DCDC2C: variants seen among roughly 807,000 people sequenced by gnomAD.
The protein encoded by DCDC2C is doublecortin domain-containing protein 2C.
A neutral mutation model predicts 45.0 loss-of-function variants in DCDC2C; 44 were observed. The observed-to-expected ratio is 0.98, with a 90% CI of 0.77 to 1.26. The LOEUF is 1.26. DCDC2C is among the 50% of genes most tolerant of loss of function. DCDC2C has a pLI of 0.00. For synonymous variants in DCDC2C, 187 were observed against 178.8 expected (o/e 1.05, Z -0.37); for missense variants, 447 against 468.9 (o/e 0.95, Z 0.43).
At chr2:3,768,723 C>A (rs975483493) in intron 7 of DCDC2C, among the ~76,000 whole-genome samples, 1 of 152,174 alleles carries the variant, frequency 6.6e-6, no homozygotes, top group South Asian at 2.1e-4. Flanking sequence ...ACAGGCACCT[C>A]TCACCACACC....
chr2:3,766,466 T>C lies in DCDC2C; in HGVS notation c.727-1288T>C, dbSNP rs529950567. Among the ~76,000 whole-genome samples the C allele has an allele frequency of 1.4e-3, 218 of 152,332 alleles. 2 individuals are homozygous for C. Among genetic ancestry groups the C allele is most frequent in the Non-Finnish European group, 7.4e-4 (50 of 68,018 alleles). ...AAAATACAAGCACCATATACCATTT[T>C]CTGTTTCCATGACCAGTTCTGCTAA... On this transcript the variant is annotated intron_variant, in intron 6 of 10. Coordinates refer to ENST00000399143, the MANE Select transcript of DCDC2C (RefSeq NM_001287444.2).
intron 4 of DCDC2C, among the ~76,000 whole-genome samples, chr2:3,746,100 C>T (rs893945573): frequency 2.6e-5 from 4 of 152,088 alleles, no homozygotes; most frequent in Non-Finnish European, 5.9e-5. Flanking sequence ...GGCTGAGTGC[C>T]AGGGAGGCAG....
intron 4 of DCDC2C, among the ~76,000 whole-genome samples, chr2:3,746,656 TCAAA>T (rs1369334207): frequency 6.6e-6 from 1 of 152,140 alleles, no homozygotes; most frequent in Non-Finnish European, 1.5e-5. Flanking sequence ...TGATAAACAA[TCAAA>T]CAAAACATCT....
chr2:3,761,478 A>C lies in DCDC2C; in HGVS notation c.727-6276A>C, dbSNP rs372686405. Among the ~76,000 whole-genome samples the C allele has an allele frequency of 6.6e-6, 1 of 152,166 alleles. No individual in the cohort carries two copies. The highest frequency in any genetic ancestry group is 1.5e-5 in the Non-Finnish European group (1 of 68,042). ...TAACCTGTTCTGAACAGTAAATTTC[A>C]CTGTGAAATGAGTGCTTTGGAATTG... is the stretch of plus-strand genomic sequence containing the variant. On this transcript the variant is annotated intron_variant, in intron 6 of 10. Transcript: ENST00000399143. This position sits in a 1 kb window ranked among gnomAD's most constrained non-coding sequence, Gnocchi z 4.3.
chr2:3,762,924 G>A (rs191758107), intron 6 of DCDC2C, among the ~76,000 whole-genome samples: 174 of 152,246 alleles, frequency 1.1e-3, no homozygotes, highest in Middle Eastern at 3.4e-3. Flanking sequence ...GCGTGTGTGA[G>A]GCTGCCTGGG....
intron 6 of DCDC2C, among the ~76,000 whole-genome samples, chr2:3,767,272 A>G (rs1670039098): frequency 6.6e-6 from 1 of 152,214 alleles, no homozygotes; most frequent in Non-Finnish European, 1.5e-5. Context: ...GTTCTCCCTT[A>G]TTGCAACCCC....
At chr2:3,812,489 G>A (rs976259408) in intron 10 of DCDC2C, among the ~76,000 whole-genome samples, 2 of 151,806 alleles carry the variant, frequency 1.3e-5, no homozygotes, top group Non-Finnish European at 2.9e-5. Context: ...CTTTATTAGT[G>A]TAGATAATAT....
Position 3,704,030 on chromosome 2 carries a change from G to A in DCDC2C, c.279G>A (p.Lys93=). Residue 93 remains lysine, a synonymous_variant, in exon 1 of 11, where the codon AAG becomes AAA. Transcript: ENST00000399143. ...KYVAAGRERF[K]ELDYIHIVPR... ...TGGCGGCGGGCCGCGAGCGCTTCAA[G>A]GAGCTCGAGTAAGTGCGCCCGCGCC... is the stretch of plus-strand genomic sequence containing the variant. 7.9e-7 allele frequency: 1 copy of A among 1,268,442 alleles called. No homozygotes were observed. The highest frequency in any genetic ancestry group is 9.9e-7 in the Non-Finnish European group (1 of 1,006,438). The allele number at this position is 1,268,442 out of a possible 1,614,324, so 78.6% of individuals were successfully genotyped here.
At position 3,703,968 on chromosome 2, in the gene DCDC2C, C is replaced by A; in HGVS notation, c.217C>A (p.Leu73Met). 7.6e-7 allele frequency: 1 copy of A among 1,310,596 alleles called. No homozygotes were observed. The highest frequency in any genetic ancestry group is 9.7e-7 in the Non-Finnish European group (1 of 1,029,794). The allele number at this position is 1,310,596 out of a possible 1,614,324, so 81.2% of individuals were successfully genotyped here. A position where few individuals can be genotyped will look rare whatever the true frequency, so the allele number is the denominator to read the frequency against. Residue 73 changes from leucine (L) to methionine (M), a missense_variant, in exon 1 of 11, where the codon CTG becomes ATG. Leu to Met is a conservative substitution (Grantham distance 15). Transcript: ENST00000399143. This position sits in a 1 kb window ranked among gnomAD's most constrained non-coding sequence, Gnocchi z 4.4. ...CACGCCCACGCGTGGGCACCGGGTG[C>A]TGGGGCTGGACGCGCTGCAGGCGGG... is the stretch of plus-strand genomic sequence containing the variant. ...LFTPTRGHRV[L>M]GLDALQAGGK...
intron 6 of DCDC2C, among the ~76,000 whole-genome samples, chr2:3,763,295 G>A (rs531986682): frequency 6.6e-6 from 1 of 152,086 alleles, no homozygotes; most frequent in Non-Finnish European, 1.5e-5. Flanking sequence ...CCATTCTATC[G>A]CACCTCAGAG....
At chr2:3,787,282 A>C (rs936418732) in intron 10 of DCDC2C, among the ~76,000 whole-genome samples, 4 of 152,256 alleles carry the variant, frequency 2.6e-5, no homozygotes, top group African/African-American at 9.6e-5. Flanking sequence ...ATTGGGCCGC[A>C]TGCAAACTGT....
chr2:3,803,591 T>G (rs1223278064), intron 10 of DCDC2C, among the ~76,000 whole-genome samples: 3 of 152,258 alleles, frequency 2.0e-5, no homozygotes, highest in African/African-American at 7.2e-5. Flanking sequence ...CTTAGGTCTT[T>G]ATGTGCCTCT....
chr2:3,708,019 TA>T (rs1338613850), intron 1 of DCDC2C, among the ~76,000 whole-genome samples: 2 of 152,102 alleles, frequency 1.3e-5, no homozygotes, highest in African/African-American at 2.4e-5. Flanking sequence ...TCCCCAACAG[TA>T]AAAAAAATTG....
intron 10 of DCDC2C, among the ~76,000 whole-genome samples, chr2:3,838,915 G>A (rs1672145625): frequency 6.6e-6 from 1 of 152,146 alleles, no homozygotes; most frequent in Non-Finnish European, 1.5e-5. Flanking sequence ...CAAATGGTGG[G>A]TTTATGATTT....
At chr2:3,841,341 G>A (rs889923272) in intron 10 of DCDC2C, among the ~76,000 whole-genome samples, 8 of 149,760 alleles carry the variant, frequency 5.3e-5, no homozygotes, top group Non-Finnish European at 1.0e-4. Flanking sequence ...CAAGGTGAAC[G>A]CAGAAGTTTT....
Position 3,767,797 on chromosome 2 carries a change from C to A in DCDC2C, c.770C>A (p.Pro257His). The change falls in exon 7 of 11, where the codon CCC becomes CAC. Residue 257 changes from proline to histidine, a missense_variant. Physicochemically the swap from Pro to His is moderately conservative, Grantham distance 77. Coordinates refer to ENST00000399143, the MANE Select transcript of DCDC2C (RefSeq NM_001287444.2). ...GAACCTTGTAAATATGATGGCATACCCCCTAAAACACAGGATTCTGTTTAT... is the reference window on the plus strand; with the variant it reads ...GAACCTTGTAAATATGATGGCATACACCCTAAAACACAGGATTCTGTTTAT... ...GKEPCKYDGI[P>H]PKTQDSVYYA... 6.5e-7 allele frequency: 1 copy of A among 1,549,036 alleles called. No individual in the cohort carries two copies. The highest frequency in any genetic ancestry group is 8.7e-7 in the Non-Finnish European group (1 of 1,146,580).
At chr2:3,805,062 C>G (rs1671205647) in intron 10 of DCDC2C, among the ~76,000 whole-genome samples, 1 of 152,162 alleles carries the variant, frequency 6.6e-6, no homozygotes, top group South Asian at 2.1e-4. Context: ...ATATCCTCAC[C>G]TAATTGAAAT....
At chr2:3,811,380 T>G (rs948386705) in intron 10 of DCDC2C, among the ~76,000 whole-genome samples, 6 of 152,190 alleles carry the variant, frequency 3.9e-5, no homozygotes, top group African/African-American at 1.4e-4. Context: ...GGCTGTCTGC[T>G]TGTGTATTGT....
At chr2:3,719,503 C>A (rs183236986) in intron 2 of DCDC2C, among the ~76,000 whole-genome samples, 1 of 152,152 alleles carries the variant, frequency 6.6e-6, no homozygotes, top group Non-Finnish European at 1.5e-5. Flanking sequence ...TCTTTCCTGC[C>A]TTTTCTAGTA....
Sources: gnomAD v4.1 joint callset for allele counts (sites outside exome capture counted in the v4.1 genomes callset) on GRCh38, gnomAD v4.1.1 for gene constraint, Gnocchi (gnomAD v3.1) non-coding constraint, MANE v1.5 for transcripts, NCBI Gene and HGNC (gene_info 2026-07-23, HGNC 2026-07-21) for gene names.